Variants in ROBO2 observed in about 807,000 individuals in gnomAD.
ROBO2 encodes the protein roundabout guidance receptor 2, also known as roundabout homolog 2.
Under a neutral mutation model 160.8 loss-of-function variants are expected in ROBO2, and 53 were observed. The ratio of observed to expected loss-of-function variants is 0.33; its 90% CI spans 0.26 to 0.41. The LOEUF is 0.41. ROBO2 is among the 10% of genes least tolerant of loss of function. The pLI is 1.00. For missense variants in ROBO2, 1,577 were observed against 1,722.4 expected (o/e 0.92, Z 1.49); for synonymous variants, 664 against 611.7 (o/e 1.09, Z -1.26).
intron 6 of ROBO2, among the ~76,000 whole-genome samples, chr3:77,524,327 C>T (rs1438486833): frequency 6.6e-6 from 1 of 150,488 alleles, no homozygotes; most frequent in African/African-American, 2.4e-5. Context: ...ATCTGATAAC[C>T]TTTGTAAGCC....
At chr3:76,314,507 G>A (rs911907716) in intron 2 of ROBO2, among the ~76,000 whole-genome samples, 1 of 151,948 alleles carries the variant, frequency 6.6e-6, no homozygotes, top group African/African-American at 2.4e-5. Flanking sequence ...GGTTTGAACT[G>A]TGCAGATTCA....
intron 2 of ROBO2, among the ~76,000 whole-genome samples, chr3:76,938,876 C>A (rs573504638): frequency 1.3e-5 from 2 of 149,712 alleles, no homozygotes; most frequent in African/African-American, 4.9e-5. Context: ...GAGGCTGAGG[C>A]AGGAGAATCG....
At chr3:77,554,739 T>C (rs1354902958) in intron 8 of ROBO2, among the ~76,000 whole-genome samples, 1 of 151,972 alleles carries the variant, frequency 6.6e-6, no homozygotes, top group Non-Finnish European at 1.5e-5. Context: ...ATTGAACAAA[T>C]GAAGAATTGC....
At chr3:76,462,019 A>G (rs1023734766) in intron 2 of ROBO2, among the ~76,000 whole-genome samples, 5 of 152,064 alleles carry the variant, frequency 3.3e-5, no homozygotes, top group Admixed American at 6.6e-5. Flanking sequence ...CCCACCAACA[A>G]CAACCTCAAT....
intron 2 of ROBO2, among the ~76,000 whole-genome samples, chr3:76,180,681 A>C (rs1701462254): frequency 6.6e-6 from 1 of 152,092 alleles, no homozygotes; most frequent in African/African-American, 2.4e-5. Context: ...CCATTTCTTC[A>C]CAACCATTTC....
At chr3:77,074,182 G>A (rs559039274) in intron 1 of ROBO2, among the ~76,000 whole-genome samples, 34 of 152,246 alleles carry the variant, frequency 2.2e-4, no homozygotes, top group Middle Eastern at 3.4e-3. Context: ...ATACTCAAGC[G>A]TGTCCTGATT....
chr3:77,144,981 T>C (rs2077006641), intron 2 of ROBO2, among the ~76,000 whole-genome samples: 1 of 152,152 alleles, frequency 6.6e-6, no homozygotes, highest in Non-Finnish European at 1.5e-5. Context: ...ACATATATTA[T>C]GATAGGAAGT....
At chr3:77,465,702 C>T (rs1048320514) in intron 2 of ROBO2, among the ~76,000 whole-genome samples, 6 of 152,150 alleles carry the variant, frequency 3.9e-5, no homozygotes, top group African/African-American at 1.4e-4. Flanking sequence ...TTGGGTAAAA[C>T]ACACATATAA....
chr3:77,070,371 A>G (rs1027255523), intron 1 of ROBO2, among the ~76,000 whole-genome samples: 1 of 152,028 alleles, frequency 6.6e-6, no homozygotes, highest in African/African-American at 2.4e-5. Flanking sequence ...GTATAACTCT[A>G]TCTCCATCTT....
intron 1 of ROBO2, among the ~76,000 whole-genome samples, chr3:77,074,805 A>G (rs1191893528): frequency 6.6e-6 from 1 of 152,150 alleles, no homozygotes; most frequent in East Asian, 1.9e-4. Flanking sequence ...CACAACATAA[A>G]TGTCTCTAAG....
chr3:76,162,969 T>A (rs2106933120), intron 2 of ROBO2, among the ~76,000 whole-genome samples: 1 of 152,292 alleles, frequency 6.6e-6, no homozygotes, highest in Non-Finnish European at 1.5e-5. Context: ...TGTGATTAAT[T>A]ATTTAGAATG....
At chr3:76,315,331 G>A (rs1385067896) in intron 2 of ROBO2, among the ~76,000 whole-genome samples, 1 of 152,106 alleles carries the variant, frequency 6.6e-6, no homozygotes, top group Non-Finnish European at 1.5e-5. Context: ...CTTTTTTTCT[G>A]TAATAAATTA....
At chr3:76,854,061 TC>T (rs2069753536) in intron 2 of ROBO2, among the ~76,000 whole-genome samples, 1 of 86,284 alleles carries the variant, frequency 1.2e-5, no homozygotes, top group African/African-American at 4.0e-5. Context: ...TCTCTCTCTC[TC>T]TCTCTTTCTC....
chr3:77,347,091 G>C (rs2067736705), intron 2 of ROBO2, among the ~76,000 whole-genome samples: 1 of 152,066 alleles, frequency 6.6e-6, no homozygotes, highest in Admixed American at 6.6e-5. Flanking sequence ...TGTTTGATTA[G>C]AAATTTAGAG....
At chr3:76,466,085 A>T (rs780872149) in intron 2 of ROBO2, among the ~76,000 whole-genome samples, 1 of 151,730 alleles carries the variant, frequency 6.6e-6, no homozygotes, top group Non-Finnish European at 1.5e-5. Context: ...TAAAATGTAC[A>T]TAATTTTTTA....
At chr3:77,535,995 G>A (rs983446728) in intron 6 of ROBO2, among the ~76,000 whole-genome samples, 1 of 152,114 alleles carries the variant, frequency 6.6e-6, no homozygotes, top group African/African-American at 2.4e-5. Flanking sequence ...ACTATTGATT[G>A]CAATGTAGAA....
chr3:76,388,473 G>A (rs960537779), intron 2 of ROBO2, among the ~76,000 whole-genome samples: 2 of 152,032 alleles, frequency 1.3e-5, no homozygotes, highest in Admixed American at 6.5e-5. Flanking sequence ...GGGTTCCACC[G>A]TGTTAGCCAG....
At chr3:76,517,665 T>A (rs1252913497) in intron 2 of ROBO2, among the ~76,000 whole-genome samples, 1 of 152,186 alleles carries the variant, frequency 6.6e-6, no homozygotes, top group Admixed American at 6.5e-5. Context: ...CTATTGCTAT[T>A]CCTGTTTTAT....
intron 2 of ROBO2, among the ~76,000 whole-genome samples, chr3:76,385,284 G>A (rs1008706502): frequency 1.3e-5 from 2 of 152,046 alleles, no homozygotes; most frequent in Non-Finnish European, 2.9e-5. Context: ...GAACCATCAC[G>A]CCCAGCCTGC....
Sources: allele counts gnomAD v4.1 joint callset (sites outside exome capture counted in the v4.1 genomes callset), GRCh38; gene constraint gnomAD v4.1.1; transcripts MANE v1.5; gene names NCBI Gene and HGNC (gene_info 2026-07-23, HGNC 2026-07-21).